The following DIP2A variants were observed in gnomAD, a reference collection of about 807,000 sequenced individuals.
The protein encoded by DIP2A is disco-interacting protein 2 homolog A.
A neutral mutation model predicts 177.4 loss-of-function variants in DIP2A; 85 were observed. The observed-to-expected ratio is 0.48, with a 90% CI of 0.40 to 0.57. The LOEUF (loss-of-function observed/expected upper bound fraction) is 0.57, where lower values mean the gene tolerates loss of function less well. Ranked by LOEUF, DIP2A falls within the 20% of genes least tolerant of loss-of-function variation. DIP2A has a pLI of 0.00. For synonymous variants in DIP2A, 886 were observed against 881.8 expected, an observed-to-expected ratio of 1.00 and a Z score of -0.08; for missense variants, 1,791 against 2,100.2, an observed-to-expected ratio of 0.85 and a Z score of 2.88.
intron 9 of DIP2A, among the ~76,000 whole-genome samples, chr21:46,530,337 A>G (rs189978763): frequency 1.3e-3 from 204 of 152,310 alleles, no homozygotes; most frequent in African/African-American, 4.1e-3. Flanking sequence ...ACTATTAGCC[A>G]AGGACTTTTA....
chr21:46,535,617 AG>A (rs1302897937), intron 13 of DIP2A, among the ~76,000 whole-genome samples: 15 of 152,248 alleles, frequency 9.9e-5, no homozygotes, highest in African/African-American at 3.6e-4. Flanking sequence ...GGTGTTTAAA[AG>A]CAAGGGTATA....
intron 6 of DIP2A, among the ~76,000 whole-genome samples, chr21:46,506,826 CGG>C (rs2058038427): frequency 1.2e-5 from 1 of 81,650 alleles, no homozygotes; most frequent in African/African-American, 4.8e-5. Context: ...TTTTTTGAGA[CGG>C]AGTTTCACTG....
In DIP2A at chr21:46,537,208, C is replaced by CT. The variant is rs1325909353; in HGVS notation, c.1643-13dup. On this transcript the variant is annotated splice_polypyrimidine_tract_variant and intron_variant, in intron 13 of 37. Transcript: ENST00000417564. The surrounding 1 kb of genome is among the most constrained non-coding windows in gnomAD (Gnocchi z 4.1). ...GAGGGTTGCTCAGTGGTGTCACCTT[C>CT]TTTGTCCACTTGCAGCTGAAACATT... 8 of 1,614,008 alleles carry CT rather than the reference C, an allele frequency of 5.0e-6. No homozygotes were observed. In the South Asian group the frequency reaches 7.7e-5, roughly 16 times the overall value.
intron 1 of DIP2A, chr21:46,469,047 C>T (rs1303337321): frequency 6.6e-6 from 1 of 152,172 alleles, no homozygotes; most frequent in Non-Finnish European, 1.5e-5. Flanking sequence ...AGTGCCTGTG[C>T]TCTGTATCCT....
At chr21:46,511,666 C>T (rs2058320548) in intron 8 of DIP2A, 52 bp downstream of exon 8, 7 of 1,444,518 alleles carry the variant, frequency 4.8e-6, no homozygotes, top group African/African-American at 1.4e-5. Flanking sequence ...TAGAATGTCA[C>T]ACACATAACA....
In DIP2A at chr21:46,540,104, T is replaced by G. The variant is rs545403425; in HGVS notation, c.2036+113T>G. Reference sequence around the variant, plus strand: ...TTAGGATCCAGGCCCATTTGTGCAGTAGTACCTTGGTGCCTGGCCCCCCAC... The same window carrying G: ...TTAGGATCCAGGCCCATTTGTGCAGGAGTACCTTGGTGCCTGGCCCCCCAC... On this transcript the variant is annotated intron_variant, in intron 17 of 37. Transcript: ENST00000417564. 40 of 871,144 alleles carry G rather than the reference T, an allele frequency of 4.6e-5. No homozygotes were observed. In the East Asian group the frequency reaches 8.3e-4, roughly 18 times the overall value. 54.0% of individuals were successfully genotyped at this position (871,144 alleles called of 1,614,324 possible). A position where few individuals can be genotyped will look rare whatever the true frequency, so the allele number is the denominator to read the frequency against.
chr21:46,575,671 ATATT>A, the DIP2A span, among the ~76,000 whole-genome samples: 2 of 152,254 alleles, frequency 1.3e-5, no homozygotes, highest in Non-Finnish European at 2.9e-5. Flanking sequence ...GCATCAAAAA[ATATT>A]TAGGAATTAA....
Position 46,565,814 on chromosome 21 carries a change from C to G in DIP2A, c.4266C>G (p.Asp1422Glu). ...TCAGTGCCCGGCTGAGTTTTGGAGACACACAGACCATCTGGGCAAGGACCG... is the reference window on the plus strand; with the variant it reads ...TCAGTGCCCGGCTGAGTTTTGGAGAGACACAGACCATCTGGGCAAGGACCG... ...DHFSARLSFG[D>E]TQTIWARTGY... Residue 1422 changes from aspartate to glutamate, a missense_variant, in exon 36 of 38, where the codon GAC (aspartate) becomes GAG (glutamate). Coordinates refer to ENST00000417564, the MANE Select transcript of DIP2A (RefSeq NM_015151.4). The G allele has an allele frequency of 6.2e-7, 1 of 1,614,016 alleles. No individual in the cohort carries two copies.
chr21:46,496,937 T>C (rs915766114), intron 3 of DIP2A, 51 bp from the exon 4 acceptor site: 34 of 1,526,350 alleles, frequency 2.2e-5, no homozygotes, highest in Middle Eastern at 3.4e-4. Flanking sequence ...AATTTGTTAC[T>C]TTATAAACAG....
intron 37 of DIP2A, 77 bp downstream of exon 37, chr21:46,566,760 G>C (rs886511316): frequency 1.9e-6 from 3 of 1,586,080 alleles, no homozygotes; most frequent in Non-Finnish European, 2.6e-6. Flanking sequence ...TGCATCGGTT[G>C]GAGCAGAGCA....
intron 9 of DIP2A, among the ~76,000 whole-genome samples, chr21:46,530,744 A>T (rs1188351224): frequency 1.3e-5 from 2 of 152,214 alleles, no homozygotes; most frequent in East Asian, 1.9e-4. Context: ...ACATTCAAGG[A>T]TGCACACCAA....
Position 46,532,015 on chromosome 21 carries a change from A to G in DIP2A, c.1195-112A>G, listed in dbSNP as rs76342916. 0.04 allele frequency: 38,259 copies of G among 966,080 alleles called. 1,105 individuals are homozygous for G. The highest frequency in any genetic ancestry group is 0.084 in the Middle Eastern group (365 of 4,354). 59.8% of individuals were successfully genotyped at this position (966,080 alleles called of 1,614,324 possible). A position where few individuals can be genotyped will look rare whatever the true frequency, so the allele number is the denominator to read the frequency against. On this transcript the variant is annotated intron_variant, in intron 9 of 37. Transcript: ENST00000417564. ...CTTGTCCCTTATGGTTTCAAGCACA[A>G]TTATTACAATATTTGGGGCTTACAA...
intron 20 of DIP2A, chr21:46,546,231 TTG>T (rs2060033745): frequency 7.8e-7 from 1 of 1,277,560 alleles, no homozygotes; most frequent in Admixed American, 3.5e-5. Context: ...AGTGGCAGGT[TTG>T]TGAGTATTCA....
chr21:46,527,395 G>A (rs946255197), intron 8 of DIP2A, among the ~76,000 whole-genome samples: 5 of 130,522 alleles, frequency 3.8e-5, no homozygotes, highest in Admixed American at 2.9e-4. Context: ...GCACAGTCTC[G>A]TCTCACTGCA....
In DIP2A at chr21:46,560,769, A is replaced by G. The variant is rs768623189; in HGVS notation, c.4017A>G (p.Ala1339=). 1 of 1,607,522 alleles carries G rather than the reference A, an allele frequency of 6.2e-7. No homozygotes were observed. The highest frequency in any genetic ancestry group is 1.1e-5 in the South Asian group (1 of 89,556). ...DPTTVYVDMR[A]LRHDRVRLVE... is the part of the protein sequence containing the mutation. ...CAACCGTCTACGTGGACATGCGGGC[A>G]CTGCGCCATGACAGGTAATGCTCCC... The change falls in exon 33 of 38, where the codon GCA becomes GCG. Residue 1339 remains alanine, a synonymous_variant. Coordinates refer to ENST00000417564, the MANE Select transcript of DIP2A (RefSeq NM_015151.4).
chr21:46,459,101 AG>A lies in DIP2A; in HGVS notation c.-30del. On this transcript the variant is annotated 5_prime_UTR_variant, in exon 1 of 38. Transcript: ENST00000417564. Reference sequence around the variant, plus strand: ...CCGCCGCCAGGCCCGGTCCGGTTCCAGCCTCTGCCCGGACGCTAGCCGGCCT... The same window carrying A: ...CCGCCGCCAGGCCCGGTCCGGTTCCACCTCTGCCCGGACGCTAGCCGGCCT... 1 of 1,453,630 alleles carries A rather than the reference AG, an allele frequency of 6.9e-7. No individual in the cohort carries two copies. Among genetic ancestry groups the A allele is most frequent in the Non-Finnish European group, 9.0e-7 (1 of 1,106,768 alleles). 90.0% of individuals were successfully genotyped at this position (1,453,630 alleles called of 1,614,324 possible). A position where few individuals can be genotyped will look rare whatever the true frequency, so the allele number is the denominator to read the frequency against.
chr21:46,534,644 G>A lies in DIP2A; in HGVS notation c.1599G>A (p.Leu533=). Residue 533 remains leucine (L), a synonymous_variant, in exon 13 of 38, where the codon CTG becomes CTA. Transcript: ENST00000417564. ...TCACAGTGTCCCACGCATCCCTGCTGGCACAGTGCCGGGCTCTGACCCAGG... is the reference window on the plus strand; with the variant it reads ...TCACAGTGTCCCACGCATCCCTGCTAGCACAGTGCCGGGCTCTGACCCAGG... ...VGVTVSHASL[L]AQCRALTQAC... 6.2e-7 allele frequency: 1 copy of A among 1,612,488 alleles called. No homozygotes were observed.
chr21:46,554,786 G>GGGGGGGGGGGGGCCCCC, intron 27 of DIP2A, 36 bp from the exon 28 acceptor site: 7 of 1,519,034 alleles, frequency 4.6e-6, no homozygotes, highest in Non-Finnish European at 6.2e-6. Flanking sequence ...AGCTTGAGAG[G>GGGGGGGGGGGGGCCCCC]CCCCGCCCAC....
At chr21:46,534,163 T>C in intron 12 of DIP2A, 50 bp downstream of exon 12, 1 of 1,435,694 alleles carries the variant, frequency 7.0e-7, no homozygotes, top group Non-Finnish European at 9.7e-7. Context: ...CCCACAGGCT[T>C]AAGTCTTGCT....
Sources: allele counts gnomAD v4.1 joint callset (sites outside exome capture counted in the v4.1 genomes callset), GRCh38; gene constraint gnomAD v4.1.1; non-coding constraint Gnocchi (gnomAD v3.1); transcripts MANE v1.5; gene names NCBI Gene and HGNC (gene_info 2026-07-23, HGNC 2026-07-21).